SECISBP2L: variants seen among roughly 807,000 people sequenced by gnomAD.
SECISBP2L encodes SECIS binding protein 2 like.
SECISBP2L carries 43 observed loss-of-function variants against 114.7 expected under a neutral mutation model. That is an observed-to-expected ratio of 0.38 (90% CI 0.29 to 0.48). The LOEUF (loss-of-function observed/expected upper bound fraction) is 0.48, where lower values mean the gene tolerates loss of function less well. Among genes scored for constraint, SECISBP2L ranks in the 20% least tolerant of loss-of-function variants. The probability of loss-of-function intolerance (pLI) is 0.98; values close to 1 mark genes in which losing one functional copy is unlikely to be tolerated. For synonymous variants in SECISBP2L, 451 were observed against 439.7 expected (o/e 1.03, Z -0.32); for missense variants, 1,136 against 1,301.1 (o/e 0.87, Z 1.95).
chr15:49,018,186 T>A (rs2141073076), intron 8 of SECISBP2L, among the ~76,000 whole-genome samples: 1 of 152,274 alleles, frequency 6.6e-6, no homozygotes, highest in East Asian at 1.9e-4. Context: ...GAAACTATTC[T>A]TGAGAAAATA....
intron 11 of SECISBP2L, among the ~76,000 whole-genome samples, chr15:49,014,884 T>C (rs1008348770): frequency 1.3e-4 from 19 of 149,836 alleles, no homozygotes; most frequent in African/African-American, 4.4e-4. Flanking sequence ...ATATATAATA[T>C]AGACATTATA....
intron 1 of SECISBP2L, among the ~76,000 whole-genome samples, chr15:49,040,008 C>T (rs1158605362): frequency 6.6e-6 from 1 of 151,712 alleles, no homozygotes; most frequent in Admixed American, 6.6e-5. Context: ...TTTTTCTGAC[C>T]TCTCCCCCCA....
Position 48,993,091 on chromosome 15 carries a change from CAG to C in SECISBP2L, c.2624-167_2624-166del, listed in dbSNP as rs140847057. Among the ~76,000 whole-genome samples the C allele has an allele frequency of 2.0e-3, 281 of 141,070 alleles. 9 individuals are homozygous for C. The East Asian group carries it at 0.05, about 25-fold the overall frequency. The allele number at this position is 141,070 out of a possible 152,430, so 92.5% of individuals were successfully genotyped here. A position where few individuals can be genotyped will look rare whatever the true frequency, so the allele number is the denominator to read the frequency against. On this transcript the variant is annotated intron_variant, in intron 17 of 17. Coordinates refer to ENST00000559471, the MANE Select transcript of SECISBP2L (RefSeq NM_001193489.2). The stretch of plus-strand genomic sequence containing the variant: ...TAGTTTATTTAGTACTAGTTTGAGA[CAG>C]AGAGAGAGTGTGTGTGTGTGTGTGT...
chr15:49,041,945 G>GT (rs1207210488), intron 1 of SECISBP2L, among the ~76,000 whole-genome samples: 1 of 152,174 alleles, frequency 6.6e-6, no homozygotes, highest in Non-Finnish European at 1.5e-5. Flanking sequence ...ACTTACACGT[G>GT]TAAGTTTCAC....
Position 48,992,350 on chromosome 15 carries a change from G to T in SECISBP2L, c.3200C>A (p.Ala1067Glu). The change falls in exon 18 of 18, where the codon GCA becomes GAA. Residue 1067 changes from alanine (A) to glutamate (E), a missense_variant. This residue lies in a region of SECISBP2L where 684 missense variants were observed against 848.7 expected (regional missense o/e 0.81). Transcript: ENST00000559471. ...ACTGGCCTGCTGGTCAGCAGTCCAT[G>T]CCTCACTGTCCATCCCTGGCTCCAG... ...EVLEPGMDSE[A>E]WTADQQASPG... 1 of 1,614,156 alleles carries T rather than the reference G, an allele frequency of 6.2e-7. No homozygotes were observed. The highest frequency in any genetic ancestry group is 8.5e-7 in the Non-Finnish European group (1 of 1,180,032).
intron 7 of SECISBP2L, among the ~76,000 whole-genome samples, chr15:49,021,976 G>C (rs912093479): frequency 6.6e-6 from 1 of 152,072 alleles, no homozygotes; most frequent in Non-Finnish European, 1.5e-5. Flanking sequence ...TCTTAAATGA[G>C]TAGCACAAAA....
chr15:49,027,068 T>C (rs1902758504), intron 7 of SECISBP2L, among the ~76,000 whole-genome samples: 1 of 152,214 alleles, frequency 6.6e-6, no homozygotes, highest in African/African-American at 2.4e-5. Context: ...GCTTTTGAAT[T>C]TTTATGTGGG....
Position 49,041,423 on chromosome 15 carries a change from A to T in SECISBP2L, c.25-3654T>A, listed in dbSNP as rs574669691. Among the ~76,000 whole-genome samples, 4 of 152,362 alleles carry T rather than the reference A, an allele frequency of 2.6e-5. No homozygotes were observed. In the South Asian group the frequency reaches 8.3e-4, roughly 32 times the overall value. The stretch of plus-strand genomic sequence containing the variant: ...AGAGTATGAAACAAAAATGTTATTT[A>T]AAAGAGTTTATTAGACAAATGTATT... On this transcript the variant is annotated intron_variant, in intron 1 of 17. Coordinates refer to ENST00000559471, the MANE Select transcript of SECISBP2L (RefSeq NM_001193489.2).
At position 49,017,537 on chromosome 15, in the gene SECISBP2L, G is replaced by T; in HGVS notation, c.1251+11C>A. 6.6e-7 allele frequency: 1 copy of T among 1,525,628 alleles called. No individual in the cohort carries two copies. The highest frequency in any genetic ancestry group is 2.3e-5 in the East Asian group (1 of 44,070). The allele number at this position is 1,525,628 out of a possible 1,614,324, so 94.5% of individuals were successfully genotyped here. A position where few individuals can be genotyped will look rare whatever the true frequency, so the allele number is the denominator to read the frequency against. ...GTTATATTTTGCTTTTCTTTTTAAA[G>T]AGTTACTTACTACTTTAGAAGAAAG... On this transcript the variant is annotated intron_variant, in intron 9 of 17. Coordinates refer to ENST00000559471, the MANE Select transcript of SECISBP2L (RefSeq NM_001193489.2).
At chr15:48,993,100 A>AGAGAGAGAGAGTGTGTGT (rs772299775) in intron 17 of SECISBP2L, among the ~76,000 whole-genome samples, 174 bp from the exon 18 acceptor site, 4 of 139,130 alleles carry the variant, frequency 2.9e-5, no homozygotes, top group African/African-American at 8.5e-5. Context: ...ACAGAGAGAG[A>AGAGAGAGAGAGTGTGTGT]GTGTGTGTGT....
At chr15:48,994,128 C>T (rs762316779) in intron 17 of SECISBP2L, among the ~76,000 whole-genome samples, 11 of 151,630 alleles carry the variant, frequency 7.3e-5, no homozygotes, top group Non-Finnish European at 1.5e-4. Flanking sequence ...AAAAAATCAC[C>T]TCCTCCTATA....
rs766221889 is a variant in SECISBP2L, at chr15:49,016,919, T to C, written c.1348A>G (p.Lys450Glu). The change falls in exon 10 of 18, where the codon AAA becomes GAA. Residue 450 changes from lysine (K) to glutamate (E), a missense_variant. Physicochemically the swap from Lys to Glu is moderately conservative, Grantham distance 56 (BLOSUM62 1). This residue lies in a region of SECISBP2L where 684 missense variants were observed against 848.7 expected (regional missense o/e 0.81). Coordinates refer to ENST00000559471, the MANE Select transcript of SECISBP2L (RefSeq NM_001193489.2). ...GTGGCAAGGGCTGCTGCTAAAGCTT[T>C]CTTCTTCTGACTTTTTGCACGTTTG... ...VPKRAKSQKK[K>E]ALAAALATAQ... The C allele has an allele frequency of 6.2e-7, 1 of 1,614,094 alleles. No individual in the cohort carries two copies. The highest frequency in any genetic ancestry group is 8.5e-7 in the Non-Finnish European group (1 of 1,179,974).
At chr15:49,045,983 TC>T (rs1217086968) in intron 1 of SECISBP2L, among the ~76,000 whole-genome samples, 1 of 152,136 alleles carries the variant, frequency 6.6e-6, no homozygotes, top group Non-Finnish European at 1.5e-5. Context: ...TTATAAGCCC[TC>T]CTCCCAGGAG....
Position 49,046,401 on chromosome 15 carries a change from T to TGTGAGGAAGCGGCGACCCCAA in SECISBP2L, c.-103_-102insTTGGGGTCGCCGCTTCCTCAC. ...TCGGGTCCAGACTGGGTTCCGGACC[T>TGTGAGGAAGCGGCGACCCCAA]CCGCCCCTATCTGGCTGGCCGCGAC... On this transcript the variant is annotated 5_prime_UTR_variant, in exon 1 of 18. Transcript: ENST00000559471. 8 of 1,244,244 alleles carry TGTGAGGAAGCGGCGACCCCAA rather than the reference T, an allele frequency of 6.4e-6. No homozygotes were observed. The highest frequency in any genetic ancestry group is 7.4e-6 in the Non-Finnish European group (7 of 945,246). The allele number at this position is 1,244,244 out of a possible 1,614,324, so 77.1% of individuals were successfully genotyped here.
chr15:49,022,923 C>G (rs925117045), intron 7 of SECISBP2L, among the ~76,000 whole-genome samples: 10 of 151,642 alleles, frequency 6.6e-5, no homozygotes, highest in African/African-American at 2.4e-4. Context: ...ATGTAAAAAG[C>G]AAGGCCATGA....
At chr15:49,023,058 T>C (rs1464848067) in intron 7 of SECISBP2L, among the ~76,000 whole-genome samples, 1 of 150,154 alleles carries the variant, frequency 6.7e-6, no homozygotes, top group African/African-American at 2.4e-5. Context: ...AGTCAATTTA[T>C]AAATATAAAC....
rs567952284 is a variant in SECISBP2L, at chr15:49,012,874, A to G, written c.1562-57T>C. 3.9e-6 allele frequency: 6 copies of G among 1,531,670 alleles called. No homozygotes were observed. The African/African-American group carries it at 8.4e-5, about 21-fold the overall frequency. The allele number at this position is 1,531,670 out of a possible 1,614,324, so 94.9% of individuals were successfully genotyped here. ...TTAGGGCCAATCCCACATACTTTCA[A>G]AATTTCCAATAACTACAAAAACAAG... On this transcript the variant is annotated intron_variant, in intron 11 of 17. Coordinates refer to ENST00000559471, the MANE Select transcript of SECISBP2L (RefSeq NM_001193489.2).
chr15:49,022,379 C>T (rs932401545), intron 7 of SECISBP2L, among the ~76,000 whole-genome samples: 1 of 152,160 alleles, frequency 6.6e-6, no homozygotes, highest in African/African-American at 2.4e-5. Context: ...GCGGATGGAT[C>T]GCTTGAGGTC....
intron 7 of SECISBP2L, among the ~76,000 whole-genome samples, chr15:49,020,495 G>A (rs1325563073): frequency 1.3e-5 from 2 of 152,010 alleles, no homozygotes; most frequent in East Asian, 3.9e-4. Flanking sequence ...TAAGGCATGA[G>A]TCACATGCCT....
Sources: allele counts gnomAD v4.1 joint callset (sites outside exome capture counted in the v4.1 genomes callset), GRCh38; gene constraint gnomAD v4.1.1; regional missense constraint gnomAD v4.1.1; transcripts MANE v1.5; gene names NCBI Gene and HGNC (gene_info 2026-07-23, HGNC 2026-07-21).